The following ADAM12 variants were observed in gnomAD, a reference collection of about 807,000 sequenced individuals.
ADAM12 encodes ADAM metallopeptidase domain 12, also known as disintegrin and metalloproteinase domain-containing protein 12.
ADAM12 carries 70 observed loss-of-function variants against 106.4 expected under a neutral mutation model. The observed-to-expected ratio is 0.66, with a 90% CI of 0.54 to 0.80. The LOEUF is 0.80. Among genes scored for constraint, ADAM12 ranks in the 30% least tolerant of loss-of-function variants. The pLI is 0.00. For missense variants in ADAM12, 1,010 were observed against 1,171.9 expected (o/e 0.86, Z 2.02); for synonymous variants, 420 against 433.5 (o/e 0.97, Z 0.39).
chr10:126,089,538 T>G (rs867867), intron 11 of ADAM12, among the ~76,000 whole-genome samples: 2 of 152,058 alleles, frequency 1.3e-5, no homozygotes, highest in African/African-American at 4.8e-5. Context: ...AGAGGCTGCA[T>G]GGTCTTCTTA....
At chr10:126,017,719 A>G (rs1170416316) in intron 22 of ADAM12, among the ~76,000 whole-genome samples, 7 of 152,238 alleles carry the variant, frequency 4.6e-5, no homozygotes, top group Non-Finnish European at 1.0e-4. Context: ...TTAGGGTACT[A>G]AGTCTTCAAA....
intron 4 of ADAM12, among the ~76,000 whole-genome samples, chr10:126,151,216 G>C: frequency 6.6e-6 from 1 of 152,136 alleles, no homozygotes; most frequent in Non-Finnish European, 1.5e-5. Context: ...TGCAATGCTA[G>C]ATGGATAATT....
intron 3 of ADAM12, among the ~76,000 whole-genome samples, chr10:126,209,650 T>G (rs1957863071): frequency 1.3e-5 from 2 of 152,228 alleles, no homozygotes; most frequent in African/African-American, 4.8e-5. Context: ...TTTAGCTGCA[T>G]TCTGTCAGCA....
At chr10:126,252,253 A>T (rs1210064893) in intron 3 of ADAM12, among the ~76,000 whole-genome samples, 1 of 108,820 alleles carries the variant, frequency 9.2e-6, no homozygotes, top group Non-Finnish European at 2.0e-5. Flanking sequence ...GGACTGATGG[A>T]TGGGATGGAT....
At chr10:126,085,486 C>T (rs1955320048) in intron 11 of ADAM12, among the ~76,000 whole-genome samples, 1 of 152,180 alleles carries the variant, frequency 6.6e-6, no homozygotes, top group Non-Finnish European at 1.5e-5. Flanking sequence ...ACCCAGCCAA[C>T]GTCTATCCAT....
chr10:126,213,445 G>A (rs1203689714), intron 3 of ADAM12, among the ~76,000 whole-genome samples: 4 of 152,166 alleles, frequency 2.6e-5, no homozygotes, highest in Admixed American at 1.3e-4. Context: ...GTTTTAGCAA[G>A]ACAAGCAGGA....
rs1455028817 is a variant in ADAM12, at chr10:126,064,855, A to G, written c.1560T>C (p.Asn520=). The change falls in exon 14 of 23, where the codon AAT becomes AAC. Residue 520 remains asparagine (N), a synonymous_variant. Coordinates refer to ENST00000448723, the MANE Select transcript of ADAM12 (RefSeq NM_001288973.2). This position sits in a 1 kb window ranked among gnomAD's most constrained non-coding sequence, Gnocchi z 4.4. ...SCQDVDGYCY[N]GICQTHEQQC... ...GCTGCTCGTGAGTCTGGCAGATGCC[A>G]TTGTAGCAGTAGCCGTCCACATCCT... is the stretch of plus-strand genomic sequence containing the variant. The G allele has an allele frequency of 6.2e-7, 1 of 1,612,376 alleles. No individual in the cohort carries two copies. Among genetic ancestry groups the G allele is most frequent in the Admixed American group, 1.7e-5 (1 of 59,846 alleles).
At chr10:126,266,755 G>A (rs1231783223) in intron 3 of ADAM12, among the ~76,000 whole-genome samples, 2 of 152,168 alleles carry the variant, frequency 1.3e-5, no homozygotes, top group African/African-American at 2.4e-5. Context: ...GGATGGCAGA[G>A]TGGGAGCAAG....
intron 10 of ADAM12, among the ~76,000 whole-genome samples, chr10:126,097,645 G>A (rs1955581105): frequency 6.6e-6 from 1 of 152,164 alleles, no homozygotes; most frequent in Admixed American, 6.5e-5. Flanking sequence ...GGTCTCTGAG[G>A]ATACTCCCTG....
At chr10:126,221,267 C>T (rs757648557) in intron 3 of ADAM12, among the ~76,000 whole-genome samples, 3 of 151,628 alleles carry the variant, frequency 2.0e-5, no homozygotes, top group Non-Finnish European at 2.9e-5. Flanking sequence ...GCCTGTAATC[C>T]CAGCTACTTG....
intron 5 of ADAM12, among the ~76,000 whole-genome samples, chr10:126,128,960 A>G (rs1373273977): frequency 6.7e-6 from 1 of 149,630 alleles, no homozygotes; most frequent in Admixed American, 6.6e-5. Context: ...TGCAAGTGGG[A>G]GCCTGCGCAT....
At chr10:126,286,248 G>A (rs1401820589) in intron 2 of ADAM12, among the ~76,000 whole-genome samples, 1 of 152,070 alleles carries the variant, frequency 6.6e-6, no homozygotes, top group Admixed American at 6.5e-5. Context: ...TGATTCTGAG[G>A]GTGAATTAAT....
intron 3 of ADAM12, among the ~76,000 whole-genome samples, chr10:126,265,149 GC>G (rs1959073534): frequency 6.6e-6 from 1 of 152,162 alleles, no homozygotes; most frequent in Non-Finnish European, 1.5e-5. Context: ...TCAGCAGGGG[GC>G]TGTGCAGCAT....
chr10:126,076,412 T>C (rs529530044), intron 11 of ADAM12, among the ~76,000 whole-genome samples: 1 of 152,312 alleles, frequency 6.6e-6, no homozygotes, highest in South Asian at 2.1e-4. Context: ...GAATGAGTTA[T>C]TTTCTTTTGG....
chr10:126,191,559 A>G (rs1330153518), intron 3 of ADAM12, among the ~76,000 whole-genome samples: 1 of 151,154 alleles, frequency 6.6e-6, no homozygotes, highest in Non-Finnish European at 1.5e-5. Context: ...GGGTAAGGAA[A>G]GAGAGGATTC....
chr10:126,019,768 TTCTGGCCAGAGGA>T lies in ADAM12; in HGVS notation c.2574_2586del (p.Asp858GlufsTer74), dbSNP rs1953727261. Reference sequence around the variant, plus strand: ...GCCAAGGCATGAGTGAGCCGAGTTGTTCTGGCCAGAGGATCTGCAGGCAGAGGCTTCTGAGGGG... The same window carrying T: ...GCCAAGGCATGAGTGAGCCGAGTTGTTCTGCAGGCAGAGGCTTCTGAGGGG... On this transcript the variant is annotated frameshift_variant, in exon 22 of 23. Coordinates refer to ENST00000448723, the MANE Select transcript of ADAM12 (RefSeq NM_001288973.2). LOFTEE classifies it high-confidence loss of function. 6.2e-7 allele frequency: 1 copy of T among 1,614,132 alleles called. No homozygotes were observed. Among genetic ancestry groups the T allele is most frequent in the East Asian group, 2.2e-5 (1 of 44,866 alleles).
chr10:126,062,804 C>CTTCA (rs1954785736), intron 14 of ADAM12, among the ~76,000 whole-genome samples: 1 of 152,176 alleles, frequency 6.6e-6, no homozygotes, highest in Non-Finnish European at 1.5e-5. Flanking sequence ...TGGAAAGGAG[C>CTTCA]TTCATCACAG....
intron 3 of ADAM12, among the ~76,000 whole-genome samples, chr10:126,229,911 C>T (rs75666679): frequency 0.075 from 11,343 of 150,838 alleles, 519 homozygotes; most frequent in East Asian, 0.14. Flanking sequence ...TGGCCGCTGC[C>T]GCACTCTAGT....
chr10:126,136,368 C>T (rs1956406141), intron 4 of ADAM12, among the ~76,000 whole-genome samples: 1 of 152,174 alleles, frequency 6.6e-6, no homozygotes, highest in Admixed American at 6.5e-5. Flanking sequence ...GGTTATGCTG[C>T]AGCCCCAATT....
Sources: allele counts gnomAD v4.1 joint callset (sites outside exome capture counted in the v4.1 genomes callset), GRCh38; gene constraint gnomAD v4.1.1; non-coding constraint Gnocchi (gnomAD v3.1); transcripts MANE v1.5; gene names NCBI Gene and HGNC (gene_info 2026-07-23, HGNC 2026-07-21).